RAB3C: variants seen among roughly 807,000 people sequenced by gnomAD.
The protein encoded by RAB3C is RAB3C, member RAS oncogene family.
A neutral mutation model predicts 26.4 loss-of-function variants in RAB3C; 17 were observed. The observed-to-expected ratio is 0.64, with a 90% CI of 0.44 to 0.97. The LOEUF (loss-of-function observed/expected upper bound fraction) is 0.97. RAB3C is among the 50% of genes least tolerant of loss of function. The probability of loss-of-function intolerance (pLI) is 0.00; values close to 1 mark genes in which losing one functional copy is unlikely to be tolerated. For synonymous variants in RAB3C, 91 were observed against 95.9 expected, an observed-to-expected ratio of 0.95 and a Z score of 0.30; for missense variants, 242 against 281.9, an observed-to-expected ratio of 0.86 and a Z score of 1.01.
In RAB3C at chr5:58,787,571, G is replaced by A. The variant is rs1443936645; in HGVS notation, c.372-37467G>A. Among the ~76,000 whole-genome samples the A allele has an allele frequency of 2.0e-5, 3 of 152,242 alleles. No individual in the cohort carries two copies. In the East Asian group the frequency reaches 5.8e-4, roughly 29 times the overall value. ...GAGTTTACGCTCTTTGGCTTGAATTGGAGAGGGTAACAGTTTGGAGAAGGC... is the reference window on the plus strand; with the variant it reads ...GAGTTTACGCTCTTTGGCTTGAATTAGAGAGGGTAACAGTTTGGAGAAGGC... On this transcript the variant is annotated intron_variant, in intron 3 of 4. Coordinates refer to ENST00000282878, the MANE Select transcript of RAB3C (RefSeq NM_138453.4).
intron 3 of RAB3C, among the ~76,000 whole-genome samples, chr5:58,735,474 A>G (rs879502616): frequency 6.6e-6 from 1 of 152,188 alleles, no homozygotes; most frequent in South Asian, 2.1e-4. Context: ...TCTACTGCAT[A>G]TTAGTTTGCT....
intron 3 of RAB3C, among the ~76,000 whole-genome samples, chr5:58,824,370 G>A (rs1183146198): frequency 6.6e-6 from 1 of 152,050 alleles, no homozygotes; most frequent in Admixed American, 6.6e-5. Flanking sequence ...TCATACTGGA[G>A]GCTTATTCTA....
chr5:58,606,882 G>A (rs1424437826), intron 1 of RAB3C, among the ~76,000 whole-genome samples: 1 of 152,066 alleles, frequency 6.6e-6, no homozygotes, highest in South Asian at 2.1e-4. Flanking sequence ...CAACAAAAAG[G>A]ACATCCACAC....
intron 1 of RAB3C, among the ~76,000 whole-genome samples, chr5:58,614,080 A>T (rs1352506720): frequency 6.6e-6 from 1 of 151,744 alleles, no homozygotes; most frequent in African/African-American, 2.4e-5. Context: ...ATTCTTTCCA[A>T]CTCTATGGTT....
At chr5:58,718,500 C>A (rs1480612892) in intron 2 of RAB3C, among the ~76,000 whole-genome samples, 2 of 151,972 alleles carry the variant, frequency 1.3e-5, no homozygotes, top group Non-Finnish European at 2.9e-5. Context: ...GGTAACACTG[C>A]CATGAAATAA....
intron 3 of RAB3C, among the ~76,000 whole-genome samples, chr5:58,768,031 T>C (rs1360855341): frequency 6.6e-6 from 1 of 152,144 alleles, no homozygotes; most frequent in African/African-American, 2.4e-5. Flanking sequence ...CTCACATTTG[T>C]ATAAGACTTC....
intron 3 of RAB3C, among the ~76,000 whole-genome samples, chr5:58,792,057 T>G (rs1742534748): frequency 6.6e-6 from 1 of 152,210 alleles, no homozygotes; most frequent in Non-Finnish European, 1.5e-5. Context: ...CAAATAAGTG[T>G]GAGATGGTGT....
intron 4 of RAB3C, among the ~76,000 whole-genome samples, chr5:58,829,501 T>C (rs1226651417): frequency 7.2e-5 from 11 of 152,130 alleles, no homozygotes; most frequent in Admixed American, 7.2e-4. Flanking sequence ...GAACCATTAT[T>C]ATAAGCTCGG....
At chr5:58,623,719 A>T (rs1746989092) in intron 2 of RAB3C, among the ~76,000 whole-genome samples, 1 of 152,210 alleles carries the variant, frequency 6.6e-6, no homozygotes, top group Non-Finnish European at 1.5e-5. Context: ...TCCTGGCTTA[A>T]TAGAGCTTAC....
At chr5:58,841,757 A>G (rs897064097) in intron 4 of RAB3C, among the ~76,000 whole-genome samples, 2 of 152,172 alleles carry the variant, frequency 1.3e-5, no homozygotes, top group Non-Finnish European at 2.9e-5. Context: ...CTCCAGGCAG[A>G]TCTGATCCAG....
chr5:58,744,043 C>CAGAT (rs1425660878), intron 3 of RAB3C, among the ~76,000 whole-genome samples: 1 of 152,140 alleles, frequency 6.6e-6, no homozygotes. Flanking sequence ...TTTTGTGACT[C>CAGAT]AGATAGACAC....
chr5:58,733,975 A>G (rs1741082804), intron 3 of RAB3C, among the ~76,000 whole-genome samples: 1 of 152,054 alleles, frequency 6.6e-6, no homozygotes, highest in Admixed American at 6.6e-5. Context: ...TCTCTTATTT[A>G]TTTACATTCT....
intron 2 of RAB3C, among the ~76,000 whole-genome samples, chr5:58,709,088 G>A (rs1353977994): frequency 6.6e-6 from 1 of 152,068 alleles, no homozygotes; most frequent in Non-Finnish European, 1.5e-5. Flanking sequence ...TAATATGGTT[G>A]GTTCATGTGT....
At chr5:58,802,718 A>G (rs1359942268) in intron 3 of RAB3C, among the ~76,000 whole-genome samples, 18 of 152,224 alleles carry the variant, frequency 1.2e-4, no homozygotes, top group Non-Finnish European at 1.0e-4. Context: ...GAATTCACAC[A>G]GGTTTAGATA....
chr5:58,797,613 A>G (rs961757578), intron 3 of RAB3C, among the ~76,000 whole-genome samples: 4 of 151,862 alleles, frequency 2.6e-5, no homozygotes, highest in Non-Finnish European at 5.9e-5. Flanking sequence ...GGACCTTGTG[A>G]GCCTATAGCA....
At chr5:58,669,404 C>T (rs1179294219) in intron 2 of RAB3C, among the ~76,000 whole-genome samples, 2 of 152,110 alleles carry the variant, frequency 1.3e-5, no homozygotes, top group African/African-American at 2.4e-5. Flanking sequence ...CACCCAGAGA[C>T]TAATACAACG....
chr5:58,652,713 A>C (rs913200954), intron 2 of RAB3C, among the ~76,000 whole-genome samples: 5 of 147,920 alleles, frequency 3.4e-5, no homozygotes, highest in African/African-American at 7.4e-5. Context: ...AAAAAAAAAA[A>C]CAAGAGAAAA....
At chr5:58,607,886 A>G (rs1286244195) in intron 1 of RAB3C, among the ~76,000 whole-genome samples, 2 of 152,204 alleles carry the variant, frequency 1.3e-5, no homozygotes, top group East Asian at 3.9e-4. Flanking sequence ...AAATGCTGAG[A>G]GATTTTGTCA....
At chr5:58,823,709 A>C (rs985498410) in intron 3 of RAB3C, 5 of 196,644 alleles carry the variant, frequency 2.5e-5, no homozygotes, top group African/African-American at 9.3e-5. Context: ...AGGCTCTGAG[A>C]GCTAAAACAA....
Sources: allele counts gnomAD v4.1 joint callset (sites outside exome capture counted in the v4.1 genomes callset), GRCh38; gene constraint gnomAD v4.1.1; transcripts MANE v1.5; gene names NCBI Gene and HGNC (gene_info 2026-07-23, HGNC 2026-07-21).